Variants in GFRA1 observed in about 807,000 individuals in gnomAD.
GFRA1 encodes GDNF family receptor alpha-1.
A neutral mutation model predicts 51.6 loss-of-function variants in GFRA1; 16 were observed. The observed-to-expected ratio is 0.31, with a 90% CI of 0.21 to 0.47. GFRA1 has a LOEUF of 0.47. Ranked by LOEUF, GFRA1 falls within the 20% of genes least tolerant of loss-of-function variation. The pLI is 1.00. For missense variants in GFRA1, 530 were observed against 594.3 expected (o/e 0.89, Z 1.13); for synonymous variants, 270 against 241.3 (o/e 1.12, Z -1.10).
In GFRA1 at chr10:116,111,698, T is replaced by A. The variant is rs1278952886; in HGVS notation, c.770+13523A>T. On this transcript the variant is annotated intron_variant, in intron 6 of 10. Coordinates refer to ENST00000355422, the MANE Select transcript of GFRA1 (RefSeq NM_005264.8). ...CCTAGATCACCTGGCCAACATTCTC[T>A]AAGGCAGCAGGGAATGGTAAGCCCA... Among the ~76,000 whole-genome samples, 3 of 152,282 alleles carry A rather than the reference T, an allele frequency of 2.0e-5. No individual in the cohort carries two copies. In the South Asian group the frequency reaches 6.2e-4, roughly 32 times the overall value.
intron 4 of GFRA1, among the ~76,000 whole-genome samples, chr10:116,265,875 C>G (rs866263811): frequency 2.6e-5 from 4 of 152,252 alleles, no homozygotes; most frequent in South Asian, 4.1e-4. Flanking sequence ...CCACAGGAAA[C>G]ACACCTCCTC....
chr10:116,064,831 G>T (rs1326501144), intron 10 of GFRA1, among the ~76,000 whole-genome samples: 1 of 152,176 alleles, frequency 6.6e-6, no homozygotes, highest in African/African-American at 2.4e-5. Flanking sequence ...CTGAGTTCAG[G>T]TACCCCTGTC....
chr10:116,082,479 G>GA (rs1005756597), intron 9 of GFRA1, among the ~76,000 whole-genome samples: 1 of 147,544 alleles, frequency 6.8e-6, no homozygotes, highest in Non-Finnish European at 1.5e-5. Flanking sequence ...TGTTTTTTTT[G>GA]TTTTTTTTTT....
intron 4 of GFRA1, among the ~76,000 whole-genome samples, chr10:116,229,057 C>A (rs1966516269): frequency 6.7e-6 from 1 of 150,116 alleles, no homozygotes. Flanking sequence ...GACAGATTCT[C>A]CACCAGGGCC....
intron 4 of GFRA1, among the ~76,000 whole-genome samples, chr10:116,228,125 T>C (rs896281616): frequency 1.2e-4 from 19 of 152,176 alleles, no homozygotes; most frequent in African/African-American, 4.6e-4. Flanking sequence ...GTTCAGGGCT[T>C]GGGTAATCAA....
rs527246232 is a variant in GFRA1, at chr10:116,219,061, T to C, written c.419-7416A>G. ...TTCCTGCTACATTTACTAGGGAATG[T>C]GCTACCAACATCAATCTTGGGCTGT... On this transcript the variant is annotated intron_variant, in intron 4 of 10. Coordinates refer to ENST00000355422, the MANE Select transcript of GFRA1 (RefSeq NM_005264.8). 7.9e-5 allele frequency among the ~76,000 whole-genome samples: 12 copies of C among 152,236 alleles called. 2 individuals are homozygous for C. The South Asian group carries it at 2.5e-3, about 32-fold the overall frequency.
intron 5 of GFRA1, among the ~76,000 whole-genome samples, chr10:116,193,418 AT>A (rs1434227253): frequency 1.3e-5 from 2 of 152,194 alleles, no homozygotes; most frequent in East Asian, 3.9e-4. Flanking sequence ...CTTTGGGGAG[AT>A]GAGGTGAACA....
chr10:116,168,529 C>T (rs1960716363), intron 5 of GFRA1, among the ~76,000 whole-genome samples: 1 of 152,176 alleles, frequency 6.6e-6, no homozygotes, highest in Non-Finnish European at 1.5e-5. Context: ...TGTCACTCTG[C>T]AGGCCTGGGC....
chr10:116,201,027 C>T (rs747150086), intron 5 of GFRA1, among the ~76,000 whole-genome samples: 1 of 152,194 alleles, frequency 6.6e-6, no homozygotes, highest in Non-Finnish European at 1.5e-5. Context: ...TGCTATTTCT[C>T]TGCTTAAAGA....
At chr10:116,201,465 A>T (rs1208872652) in intron 5 of GFRA1, among the ~76,000 whole-genome samples, 1 of 151,974 alleles carries the variant, frequency 6.6e-6, no homozygotes, top group Non-Finnish European at 1.5e-5. Context: ...TAAAAACAAC[A>T]CTATACTTGT....
At chr10:116,101,510 T>G (rs1369942304) in intron 6 of GFRA1, among the ~76,000 whole-genome samples, 1 of 152,144 alleles carries the variant, frequency 6.6e-6, no homozygotes, top group African/African-American at 2.4e-5. Context: ...AAGCATCATA[T>G]TAAAGGAAGT....
intron 9 of GFRA1, among the ~76,000 whole-genome samples, chr10:116,085,689 TC>T (rs764877360): frequency 1.1e-4 from 16 of 151,628 alleles, no homozygotes; most frequent in African/African-American, 2.7e-4. Flanking sequence ...CACTCTCTCA[TC>T]CCCCCCATCC....
chr10:116,116,438 C>T (rs1245946453), intron 6 of GFRA1, among the ~76,000 whole-genome samples: 1 of 152,240 alleles, frequency 6.6e-6, no homozygotes, highest in Admixed American at 6.5e-5. Context: ...CAGCCAGATC[C>T]CTGATGTCCA....
At chr10:116,135,426 C>G (rs943802148) in intron 5 of GFRA1, among the ~76,000 whole-genome samples, 1 of 152,168 alleles carries the variant, frequency 6.6e-6, no homozygotes, top group Non-Finnish European at 1.5e-5. Context: ...TATTACAGTT[C>G]CATTGCCAAT....
chr10:116,090,274 A>AAC, intron 8 of GFRA1, among the ~76,000 whole-genome samples: 1 of 152,026 alleles, frequency 6.6e-6, no homozygotes, highest in Admixed American at 6.6e-5. Context: ...ACTTGGGATC[A>AAC]TAACTGTCCC....
At chr10:116,269,153 T>C (rs372595033) in intron 4 of GFRA1, among the ~76,000 whole-genome samples, 1 of 152,006 alleles carries the variant, frequency 6.6e-6, no homozygotes, top group African/African-American at 2.4e-5. Flanking sequence ...CTATGTAAGG[T>C]ATGCAGCAAG....
Position 116,125,277 on chromosome 10 carries a change from C to T in GFRA1, c.714G>A (p.Arg238=). 6.2e-7 allele frequency: 1 copy of T among 1,614,208 alleles called. No homozygotes were observed. The highest frequency in any genetic ancestry group is 8.5e-7 in the Non-Finnish European group (1 of 1,180,044). ...TIVPVCSYEE[R]EKPNCLNLQD... ...GCAAATTCAAACAGTTGGGCTTCTC[C>T]CTCTCTTCATAGGAGCACACAGGCA... The change falls in exon 6 of 11, where the codon AGG becomes AGA. Residue 238 remains arginine (R), a synonymous_variant. Transcript: ENST00000355422.
chr10:116,263,813 T>C (rs968949785), intron 4 of GFRA1, among the ~76,000 whole-genome samples: 2 of 151,984 alleles, frequency 1.3e-5, no homozygotes, highest in Non-Finnish European at 2.9e-5. Flanking sequence ...ATCCATGATG[T>C]GGAAGGAGGG....
intron 4 of GFRA1, among the ~76,000 whole-genome samples, chr10:116,229,547 T>C (rs1325812858): frequency 6.6e-6 from 1 of 152,162 alleles, no homozygotes; most frequent in Non-Finnish European, 1.5e-5. Flanking sequence ...AAGGGTGATG[T>C]TCCCAGAATC....
Sources: gnomAD v4.1 joint callset for allele counts (sites outside exome capture counted in the v4.1 genomes callset) on GRCh38, gnomAD v4.1.1 for gene constraint, MANE v1.5 for transcripts, NCBI Gene and HGNC (gene_info 2026-07-23, HGNC 2026-07-21) for gene names.